Variants in CLMN observed in about 807,000 individuals in gnomAD.
The protein encoded by CLMN is calmin.
In CLMN, 57 loss-of-function variants were observed where a neutral mutation model predicts 92.7. The ratio of observed to expected loss-of-function variants is 0.61; its 90% confidence interval spans 0.50 to 0.77. The LOEUF (loss-of-function observed/expected upper bound fraction) is 0.77, where lower values mean the gene tolerates loss of function less well. Among genes scored for constraint, CLMN ranks in the 30% least tolerant of loss-of-function variants. CLMN has a pLI of 0.00. For synonymous variants in CLMN, 466 were observed against 470.6 expected, an observed-to-expected ratio of 0.99 and a Z score of 0.13; for missense variants, 1,158 against 1,237.5, an observed-to-expected ratio of 0.94 and a Z score of 0.96.
chr14:95,261,732 C>T (rs924549104), intron 1 of CLMN, among the ~76,000 whole-genome samples: 5 of 152,340 alleles, frequency 3.3e-5, no homozygotes, highest in Admixed American at 3.3e-4. Context: ...CCTGGCCTTC[C>T]CAAGATGCCC....
chr14:95,317,029 ACTC>A (rs754659845), intron 1 of CLMN, among the ~76,000 whole-genome samples: 31 of 152,044 alleles, frequency 2.0e-4, no homozygotes, highest in South Asian at 8.3e-4. Flanking sequence ...CTCTGCCTGG[ACTC>A]CTCCTGCCTC....
intron 1 of CLMN, among the ~76,000 whole-genome samples, chr14:95,251,240 T>A (rs1377895011): frequency 6.6e-6 from 1 of 152,218 alleles, no homozygotes; most frequent in Admixed American, 6.5e-5. Context: ...TCCTGCATTC[T>A]AAGAAAGCTT....
intron 1 of CLMN, 121 bp downstream of exon 1, chr14:95,319,590 G>T: frequency 3.7e-6 from 3 of 809,220 alleles, no homozygotes; most frequent in Non-Finnish European, 5.6e-6. Context: ...CTCGAGGCAA[G>T]TGACAGGAAC....
intron 2 of CLMN, among the ~76,000 whole-genome samples, chr14:95,224,495 C>A (rs1267594705): frequency 6.6e-6 from 1 of 152,088 alleles, no homozygotes; most frequent in Non-Finnish European, 1.5e-5. Context: ...GTTGGCCAGT[C>A]TGGTCTCGAA....
chr14:95,213,550 T>C (rs1180792490), intron 5 of CLMN, 141 bp from the exon 6 acceptor site: 1 of 722,612 alleles, frequency 1.4e-6, no homozygotes, highest in Non-Finnish European at 2.2e-6. Context: ...AGAAACCCTT[T>C]CTGATGGCTG....
chr14:95,289,040 A>G (rs1327122536), intron 1 of CLMN, among the ~76,000 whole-genome samples: 1 of 152,196 alleles, frequency 6.6e-6, no homozygotes, highest in Non-Finnish European at 1.5e-5. Flanking sequence ...CGCTGGAGGT[A>G]GGTATCACTG....
chr14:95,253,190 A>G (rs539690988), intron 1 of CLMN, among the ~76,000 whole-genome samples: 1 of 152,348 alleles, frequency 6.6e-6, no homozygotes, highest in African/African-American at 2.4e-5. Flanking sequence ...GAAAGGACAA[A>G]GGAACTGAGG....
At chr14:95,273,715 G>A (rs148201362) in intron 1 of CLMN, among the ~76,000 whole-genome samples, 153 of 152,298 alleles carry the variant, frequency 1.0e-3, no homozygotes, top group African/African-American at 3.4e-3. Flanking sequence ...GTGGGTGAAC[G>A]TGAGTGTGTT....
intron 5 of CLMN, among the ~76,000 whole-genome samples, chr14:95,213,782 C>T (rs1595575909): frequency 6.6e-6 from 1 of 152,268 alleles, no homozygotes; most frequent in Middle Eastern, 3.4e-3. Flanking sequence ...TGCTTCTGCT[C>T]ATCCTGCCCT....
intron 2 of CLMN, among the ~76,000 whole-genome samples, chr14:95,224,218 C>G (rs1897639600): frequency 6.6e-6 from 1 of 152,248 alleles, no homozygotes; most frequent in Non-Finnish European, 1.5e-5. Context: ...TAGAATAAAA[C>G]AATTCTATCA....
intron 1 of CLMN, among the ~76,000 whole-genome samples, chr14:95,306,502 C>CCA (rs1250608247): frequency 2.0e-5 from 3 of 152,084 alleles, no homozygotes; most frequent in Admixed American, 6.5e-5. Context: ...AGTGACCACA[C>CCA]CTGGGTGACA....
chr14:95,229,723 T>C (rs899968324), intron 2 of CLMN, among the ~76,000 whole-genome samples: 1 of 152,202 alleles, frequency 6.6e-6, no homozygotes, highest in Non-Finnish European at 1.5e-5. Flanking sequence ...AAATGGCTCT[T>C]GGCTCTTCAC....
intron 1 of CLMN, among the ~76,000 whole-genome samples, chr14:95,289,466 AAAATAAAT>A (rs749536553): frequency 0.043 from 6,000 of 139,508 alleles, 145 homozygotes; most frequent in African/African-American, 0.067. Context: ...TCTGTCTCAA[AAAATAAAT>A]AAATAAATAA....
Position 95,301,116 on chromosome 14 carries a change from G to A in CLMN, c.82+18595C>T, listed in dbSNP as rs140996784. Among the ~76,000 whole-genome samples, 1,227 of 152,278 alleles carry A rather than the reference G, an allele frequency of 8.1e-3. 24 individuals are homozygous for A. Among genetic ancestry groups the A allele is most frequent in the African/African-American group, 0.028 (1,173 of 41,544 alleles). On this transcript the variant is annotated intron_variant, in intron 1 of 12. Transcript: ENST00000298912. ...ATTCTTCCCACAACTGGAGAGTATC[G>A]GGTTATAATGGACACAATTCACAGA... is the stretch of plus-strand genomic sequence containing the variant.
intron 1 of CLMN, among the ~76,000 whole-genome samples, chr14:95,289,704 C>G (rs1040698520): frequency 6.6e-6 from 1 of 152,252 alleles, no homozygotes; most frequent in East Asian, 1.9e-4. Context: ...AGCCCCATTC[C>G]TGGGCTGCCC....
Position 95,221,682 on chromosome 14 carries a change from A to G in CLMN, c.324+9T>C. Reference sequence around the variant, plus strand: ...GCTTGTGTTAGCAGGATGAGCTTCAAACACTTACATTGCTATCTTCCAAAA... The same window carrying G: ...GCTTGTGTTAGCAGGATGAGCTTCAGACACTTACATTGCTATCTTCCAAAA... On this transcript the variant is annotated intron_variant, in intron 4 of 12. Transcript: ENST00000298912. The G allele has an allele frequency of 6.2e-7, 1 of 1,612,250 alleles. No homozygotes were observed. The highest frequency in any genetic ancestry group is 8.5e-7 in the Non-Finnish European group (1 of 1,178,544).
intron 1 of CLMN, among the ~76,000 whole-genome samples, chr14:95,304,730 C>T (rs1901203511): frequency 6.6e-6 from 1 of 151,910 alleles, no homozygotes; most frequent in African/African-American, 2.4e-5. Flanking sequence ...TTTATACATA[C>T]TACATGCAGA....
At chr14:95,292,035 C>T (rs1900587877) in intron 1 of CLMN, among the ~76,000 whole-genome samples, 1 of 152,240 alleles carries the variant, frequency 6.6e-6, no homozygotes, top group Admixed American at 6.5e-5. Context: ...TTCCCACGTC[C>T]TCATCTGGCC....
At chr14:95,257,852 T>C (rs547630446) in intron 1 of CLMN, among the ~76,000 whole-genome samples, 5 of 152,312 alleles carry the variant, frequency 3.3e-5, no homozygotes, top group Admixed American at 6.5e-5. Context: ...ACTGAAGCCA[T>C]GAGACCAGAA....
Sources: allele counts gnomAD v4.1 joint callset (sites outside exome capture counted in the v4.1 genomes callset), GRCh38; gene constraint gnomAD v4.1.1; transcripts MANE v1.5; gene names NCBI Gene and HGNC (gene_info 2026-07-23, HGNC 2026-07-21).